MEIS1: variants seen among roughly 807,000 people sequenced by gnomAD.
MEIS1 encodes the protein homeobox protein Meis1.
A neutral mutation model predicts 50.8 loss-of-function variants in MEIS1; 5 were observed. The observed-to-expected ratio is 0.10, with a 90% confidence interval of 0.05 to 0.21. The LOEUF (loss-of-function observed/expected upper bound fraction) is 0.21. Ranked by LOEUF, MEIS1 falls within the 10% of genes least tolerant of loss-of-function variation. The pLI is 1.00. For synonymous variants in MEIS1, 176 were observed against 179.3 expected, an observed-to-expected ratio of 0.98 and a Z score of 0.15; for missense variants, 318 against 517.3, an observed-to-expected ratio of 0.61 and a Z score of 3.74.
At chr2:66,531,613 G>A (rs1674391767) in intron 8 of MEIS1, among the ~76,000 whole-genome samples, 1 of 152,158 alleles carries the variant, frequency 6.6e-6, no homozygotes, top group Non-Finnish European at 1.5e-5. Context: ...CCACGTACAC[G>A]GTTACACAAC....
At chr2:66,477,661 T>C (rs77037517) in intron 7 of MEIS1, among the ~76,000 whole-genome samples, 1 of 152,208 alleles carries the variant, frequency 6.6e-6, no homozygotes, top group Non-Finnish European at 1.5e-5. Context: ...ACTCATTTCA[T>C]CAGTTTACTG....
At chr2:66,506,054 G>T (rs557267599) in intron 7 of MEIS1, among the ~76,000 whole-genome samples, 2 of 152,276 alleles carry the variant, frequency 1.3e-5, no homozygotes, top group South Asian at 2.1e-4. Context: ...TTTTATAAGC[G>T]ATGAACAAGT....
chr2:66,565,101 C>T (rs975904094), intron 9 of MEIS1, among the ~76,000 whole-genome samples: 8 of 152,068 alleles, frequency 5.3e-5, no homozygotes, highest in African/African-American at 1.9e-4. Flanking sequence ...AGTGACCAAA[C>T]GAAGTGACCA....
At chr2:66,445,334 A>T (rs1055615742) in intron 6 of MEIS1, 1 of 152,354 alleles carries the variant, frequency 6.6e-6, no homozygotes, top group African/African-American at 2.4e-5. Context: ...CGCTGGACGC[A>T]TGCGGTACAG....
Position 66,543,141 on chromosome 2 carries a change from A to G in MEIS1, c.889-4802A>G, listed in dbSNP as rs75392058. ...AAGTCACCATTTTCTGTCACTTTCT[A>G]TTTGCGGCTGGTAAAATGACAGCTC... is the stretch of plus-strand genomic sequence containing the variant. On this transcript the variant is annotated intron_variant, in intron 8 of 12. Coordinates refer to ENST00000272369, the MANE Select transcript of MEIS1 (RefSeq NM_002398.3). 6.5e-3 allele frequency among the ~76,000 whole-genome samples: 983 copies of G among 152,162 alleles called. 8 individuals are homozygous for G. The highest frequency in any genetic ancestry group is 0.022 in the African/African-American group (912 of 41,522).
chr2:66,557,027 A>AGTCAT (rs972002977), intron 9 of MEIS1, among the ~76,000 whole-genome samples: 21 of 152,184 alleles, frequency 1.4e-4, no homozygotes, highest in Non-Finnish European at 2.6e-4. Context: ...TTTTGTTTTT[A>AGTCAT]GTCATGCTAT....
chr2:66,442,783 T>C, intron 5 of MEIS1, 119 bp from the exon 6 acceptor site: 2 of 928,102 alleles, frequency 2.2e-6, no homozygotes, highest in Admixed American at 5.9e-5. Flanking sequence ...GGAGGACAAT[T>C]GCCCTGTGTT....
intron 6 of MEIS1, among the ~76,000 whole-genome samples, chr2:66,462,367 GA>G (rs1331755940): frequency 6.6e-6 from 1 of 152,200 alleles, no homozygotes; most frequent in African/African-American, 2.4e-5. Flanking sequence ...CATGCATCCT[GA>G]AACTCCCACG....
At position 66,473,397 on chromosome 2, in the gene MEIS1, AAT is replaced by A. The variant is rs1553373466; in HGVS notation, c.742+9197_742+9198del. ...CCATGTCAAAAAAAAAAAAAAAAAA[AAT>A]ATATATATATATATATATAGTAATA... On this transcript the variant is annotated intron_variant, in intron 7 of 12. Transcript: ENST00000272369. Among the ~76,000 whole-genome samples, 462 of 107,568 alleles carry A rather than the reference AAT, an allele frequency of 4.3e-3. 5 individuals are homozygous for A. Among genetic ancestry groups the A allele is most frequent in the Middle Eastern group, 0.014 (3 of 222 alleles). The allele number at this position is 107,568 out of a possible 152,430, so 70.6% of individuals were successfully genotyped here. A position where few individuals can be genotyped will look rare whatever the true frequency, so the allele number is the denominator to read the frequency against.
intron 6 of MEIS1, among the ~76,000 whole-genome samples, chr2:66,459,863 T>G (rs879619976): frequency 3.3e-5 from 5 of 152,134 alleles, no homozygotes; most frequent in Non-Finnish European, 7.4e-5. Context: ...TCGGACTTCT[T>G]GAGGTGGATG....
At chr2:66,463,465 C>T (rs1367965623) in intron 6 of MEIS1, among the ~76,000 whole-genome samples, 3 of 151,930 alleles carry the variant, frequency 2.0e-5, no homozygotes, top group African/African-American at 7.3e-5. Context: ...TCAAATGCAC[C>T]CAGTGATAAG....
chr2:66,461,725 G>A (rs1672522865), intron 6 of MEIS1: 5 of 336,174 alleles, frequency 1.5e-5, no homozygotes, highest in South Asian at 7.9e-5. Flanking sequence ...ATAATGTGGC[G>A]ATAGCTGTGA....
intron 8 of MEIS1, among the ~76,000 whole-genome samples, chr2:66,539,846 G>A (rs1244223661): frequency 2.0e-5 from 3 of 152,200 alleles, no homozygotes; most frequent in Non-Finnish European, 4.4e-5. Context: ...CCTTCTGCCT[G>A]CCTCCCAGGC....
chr2:66,436,789 T>C (rs1671807635), intron 1 of MEIS1: 4 of 771,892 alleles, frequency 5.2e-6, no homozygotes, highest in Non-Finnish European at 4.7e-6. Context: ...CTTGGGAAAA[T>C]AACTGCCTGG....
At chr2:66,463,707 C>T (rs763335505) in intron 6 of MEIS1, among the ~76,000 whole-genome samples, 14 of 152,124 alleles carry the variant, frequency 9.2e-5, no homozygotes, top group Non-Finnish European at 1.8e-4. Flanking sequence ...AATCAGAGGC[C>T]CCTATAAACC....
At chr2:66,567,593 G>A (rs1237624924) in intron 10 of MEIS1, 82 bp downstream of exon 10, 1 of 1,307,768 alleles carries the variant, frequency 7.6e-7, no homozygotes, top group Non-Finnish European at 1.1e-6. Flanking sequence ...CCGCTACCTG[G>A]TAAATAAACT....
chr2:66,562,816 A>T (rs1675251166), intron 9 of MEIS1, among the ~76,000 whole-genome samples: 2 of 152,190 alleles, frequency 1.3e-5, no homozygotes, highest in Admixed American at 1.3e-4. Context: ...TTCTTCTCCT[A>T]ATTCAGTCTT....
chr2:66,558,902 G>A (rs1324741653), intron 9 of MEIS1, among the ~76,000 whole-genome samples: 1 of 152,164 alleles, frequency 6.6e-6, no homozygotes, highest in East Asian at 1.9e-4. Context: ...AGCACTTTGG[G>A]AGGCTGAGGA....
intron 7 of MEIS1, among the ~76,000 whole-genome samples, chr2:66,496,464 T>C (rs1250809245): frequency 1.3e-5 from 2 of 152,136 alleles, no homozygotes; most frequent in East Asian, 3.9e-4. Flanking sequence ...TTGCCCAATT[T>C]CATAGTGTGC....
Sources: allele counts gnomAD v4.1 joint callset (sites outside exome capture counted in the v4.1 genomes callset), GRCh38; gene constraint gnomAD v4.1.1; transcripts MANE v1.5; gene names NCBI Gene and HGNC (gene_info 2026-07-23, HGNC 2026-07-21).